MYO1D: variants seen among roughly 807,000 people sequenced by gnomAD.
MYO1D encodes the protein unconventional myosin-Id.
A neutral mutation model predicts 122.0 loss-of-function variants in MYO1D; 83 were observed. The observed-to-expected ratio is 0.68, with a 90% CI of 0.57 to 0.82. The LOEUF (loss-of-function observed/expected upper bound fraction) is 0.82, where lower values mean the gene tolerates loss of function less well. Ranked by LOEUF, MYO1D falls within the 40% of genes least tolerant of loss-of-function variation. The pLI, the probability that MYO1D is intolerant of heterozygous loss-of-function variation, is 0.00. For synonymous variants in MYO1D, 464 were observed against 446.9 expected, an observed-to-expected ratio of 1.04 and a Z score of -0.48; for missense variants, 1,157 against 1,269.5, an observed-to-expected ratio of 0.91 and a Z score of 1.35.
chr17:32,844,159 T>G lies in MYO1D; in HGVS notation c.95+32619A>C, dbSNP rs954475883. 2.7e-5 allele frequency among the ~76,000 whole-genome samples: 4 copies of G among 149,236 alleles called. No individual in the cohort carries two copies. In the Admixed American group the frequency reaches 2.7e-4, roughly 10 times the overall value. The stretch of plus-strand genomic sequence containing the variant: ...ACAACAAGTAACATATAAATACATG[T>G]ATAAAACATATACTGATAAGTGACA... On this transcript the variant is annotated intron_variant, in intron 1 of 21. Coordinates refer to ENST00000318217, the MANE Select transcript of MYO1D (RefSeq NM_015194.3).
At chr17:32,671,211 T>TG (rs1436397069) in intron 16 of MYO1D, among the ~76,000 whole-genome samples, 1 of 152,226 alleles carries the variant, frequency 6.6e-6, no homozygotes, top group Non-Finnish European at 1.5e-5. Flanking sequence ...TGCATTCCCC[T>TG]GGGGGTAATA....
chr17:32,859,197 T>C (rs1349604354), intron 1 of MYO1D, among the ~76,000 whole-genome samples: 1 of 152,244 alleles, frequency 6.6e-6, no homozygotes, highest in Non-Finnish European at 1.5e-5. Flanking sequence ...AGCTGTATAT[T>C]GAAAACTTCT....
At chr17:32,864,007 C>CTTTTCTTTTTTTTTTTTT (rs2091100932) in intron 1 of MYO1D, among the ~76,000 whole-genome samples, 1 of 48,960 alleles carries the variant, frequency 2.0e-5, no homozygotes, top group Non-Finnish European at 3.5e-5. Context: ...ACATTTCTTC[C>CTTTTCTTTTTTTTTTTTT]TTTTTTTTTT....
chr17:32,844,403 G>GTGTATATATACTATATATAATATA (rs1170969521), intron 1 of MYO1D, among the ~76,000 whole-genome samples: 88 of 145,758 alleles, frequency 6.0e-4, no homozygotes, highest in Non-Finnish European at 7.0e-4. Flanking sequence ...TATATAATAT[G>GTGTATATATACTATATATAATATA]TATATATGTG....
chr17:32,752,816 G>C (rs758480959), intron 11 of MYO1D, among the ~76,000 whole-genome samples: 19 of 152,118 alleles, frequency 1.2e-4, no homozygotes, highest in Non-Finnish European at 2.2e-4. Context: ...ATTGTTGGTG[G>C]GAATGTAAAT....
chr17:32,843,419 T>A (rs767393568), intron 1 of MYO1D, among the ~76,000 whole-genome samples: 1 of 152,192 alleles, frequency 6.6e-6, no homozygotes, highest in Non-Finnish European at 1.5e-5. Context: ...TTATACAAAA[T>A]GTATTCAAAG....
At chr17:32,769,347 A>C (rs2090091511) in intron 6 of MYO1D, among the ~76,000 whole-genome samples, 2 of 152,212 alleles carry the variant, frequency 1.3e-5, no homozygotes, top group Admixed American at 1.3e-4. Flanking sequence ...AACCAAAAAA[A>C]CACCTGGGTC....
chr17:32,686,709 TA>T (rs2089012893), intron 16 of MYO1D, among the ~76,000 whole-genome samples: 1 of 151,636 alleles, frequency 6.6e-6, no homozygotes, highest in Non-Finnish European at 1.5e-5. Flanking sequence ...GTACAAAAAA[TA>T]AAAACAATAG....
chr17:32,624,786 C>CTTTTTTTTT (rs11332360), intron 20 of MYO1D, among the ~76,000 whole-genome samples: 1 of 140,260 alleles, frequency 7.1e-6, no homozygotes, highest in Non-Finnish European at 1.5e-5. Context: ...TTTTTTGTAT[C>CTTTTTTTTT]TTTTTTTTTT....
At chr17:32,557,164 G>A (rs1156732253) in intron 21 of MYO1D, among the ~76,000 whole-genome samples, 3 of 151,680 alleles carry the variant, frequency 2.0e-5, no homozygotes, top group Non-Finnish European at 4.4e-5. Flanking sequence ...TGTTGTCCAG[G>A]CTGGAGTTCA....
intron 16 of MYO1D, among the ~76,000 whole-genome samples, chr17:32,685,352 C>T (rs1232078645): frequency 1.3e-5 from 2 of 152,204 alleles, no homozygotes; most frequent in African/African-American, 4.8e-5. Context: ...CCAAAGATGA[C>T]ATGAGAAAAT....
intron 21 of MYO1D, among the ~76,000 whole-genome samples, chr17:32,500,572 G>C (rs1191148593): frequency 2.0e-5 from 3 of 152,178 alleles, no homozygotes; most frequent in South Asian, 2.1e-4. Context: ...GCAGAAGAGG[G>C]GGTTGAGTGA....
intron 4 of MYO1D, among the ~76,000 whole-genome samples, chr17:32,773,361 C>T (rs769662747): frequency 2.6e-5 from 4 of 152,128 alleles, no homozygotes; most frequent in Non-Finnish European, 4.4e-5. Flanking sequence ...GTCACGGATT[C>T]GGGAAGACAG....
chr17:32,496,654 C>A (rs1271785078), intron 21 of MYO1D, among the ~76,000 whole-genome samples: 2 of 152,252 alleles, frequency 1.3e-5, no homozygotes, highest in East Asian at 3.9e-4. Flanking sequence ...GCCTCCCTGC[C>A]TCCCCTCTGT....
In MYO1D at chr17:32,522,961, T is replaced by C. The variant is rs141070394; in HGVS notation, c.2865-28046A>G. 1.8e-3 allele frequency among the ~76,000 whole-genome samples: 268 copies of C among 152,144 alleles called. 2 individuals are homozygous for C. The highest frequency in any genetic ancestry group is 6.1e-3 in the African/African-American group (251 of 41,480). On this transcript the variant is annotated intron_variant, in intron 21 of 21. Transcript: ENST00000318217. ...CCTCCCGAGTAGCTGGGACTACAGG[T>C]GCCTGCCACCATGCCCGGCTAGTTT...
chr17:32,725,852 G>C (rs2089565788), intron 14 of MYO1D, among the ~76,000 whole-genome samples: 1 of 151,588 alleles, frequency 6.6e-6, no homozygotes, highest in African/African-American at 2.4e-5. Context: ...CAGCCAGAGG[G>C]AAAAAAAAGA....
chr17:32,637,442 G>A (rs371835840), intron 20 of MYO1D, among the ~76,000 whole-genome samples: 1 of 152,162 alleles, frequency 6.6e-6, no homozygotes, highest in Non-Finnish European at 1.5e-5. Flanking sequence ...AGACCACAGC[G>A]GGTGGATCAC....
chr17:32,553,830 T>C (rs774193924), intron 21 of MYO1D, among the ~76,000 whole-genome samples: 1 of 152,176 alleles, frequency 6.6e-6, no homozygotes, highest in Non-Finnish European at 1.5e-5. Flanking sequence ...TCCTTTAAGC[T>C]GGCTTCCCAA....
intron 16 of MYO1D, among the ~76,000 whole-genome samples, chr17:32,666,242 T>C (rs1490037920): frequency 1.3e-5 from 2 of 152,180 alleles, no homozygotes; most frequent in African/African-American, 4.8e-5. Flanking sequence ...AGAATCTTTC[T>C]ACAGCCCTAC....
Sources: gnomAD v4.1 joint callset for allele counts (sites outside exome capture counted in the v4.1 genomes callset) on GRCh38, gnomAD v4.1.1 for gene constraint, MANE v1.5 for transcripts, NCBI Gene and HGNC (gene_info 2026-07-23, HGNC 2026-07-21) for gene names.